Variants in PIH1D2 observed in about 807,000 individuals in gnomAD.
PIH1D2 encodes the protein PIH1 domain-containing protein 2.
In PIH1D2, 25 loss-of-function variants were observed where a neutral mutation model predicts 31.2. The ratio of observed to expected loss-of-function variants is 0.80; its 90% CI spans 0.58 to 1.12. The LOEUF is 1.12. Among genes scored for constraint, PIH1D2 ranks in the 50% most tolerant of loss-of-function variants. PIH1D2 has a pLI of 0.00. For missense variants in PIH1D2, 310 were observed against 356.6 expected (o/e 0.87, Z 1.05); for synonymous variants, 116 against 119.9 (o/e 0.97, Z 0.21).
chr11:112,055,717 C>T, the PIH1D2 span, among the ~76,000 whole-genome samples: 2 of 151,788 alleles, frequency 1.3e-5, no homozygotes, highest in South Asian at 2.1e-4. Flanking sequence ...CCGTGATGAT[C>T]GTCACAGCAG....
At chr11:112,070,820 T>C (rs1306929250) in intron 4 of PIH1D2, 119 bp from the exon 5 acceptor site, 3 of 1,293,354 alleles carry the variant, frequency 2.3e-6, no homozygotes, top group East Asian at 2.5e-5. Flanking sequence ...TAAATTAGTT[T>C]GGGAATCAAG....
chr11:112,053,148 C>T, the PIH1D2 span, among the ~76,000 whole-genome samples: 8 of 152,090 alleles, frequency 5.3e-5, no homozygotes, highest in South Asian at 8.3e-4. Flanking sequence ...ATGGTGAAAC[C>T]CCATCTCTAC....
chr11:112,055,055 G>A, the PIH1D2 span, among the ~76,000 whole-genome samples: 1 of 151,972 alleles, frequency 6.6e-6, no homozygotes, highest in African/African-American at 2.4e-5. Context: ...ACATTGATAG[G>A]TTCCAGGGAT....
At chr11:112,063,987 C>G, downstream of PIH1D2, 1 of 491,214 alleles carries the variant, frequency 2.0e-6, no homozygotes, top group Non-Finnish European at 3.5e-6. Flanking sequence ...TTCATTATTA[C>G]ATGGTACACA....
the PIH1D2 span, among the ~76,000 whole-genome samples, chr11:112,053,795 T>C: frequency 6.6e-6 from 1 of 152,216 alleles, no homozygotes; most frequent in African/African-American, 2.4e-5. Context: ...TGGTATTTAT[T>C]TACCTGCAGA....
chr11:112,061,368 C>G, downstream of PIH1D2: 3 of 607,730 alleles, frequency 4.9e-6, no homozygotes, highest in Non-Finnish European at 8.7e-6. Context: ...TTATTCTTGA[C>G]TTATAATAAT....
downstream of PIH1D2, among the ~76,000 whole-genome samples, chr11:112,058,637 A>AGGG: frequency 7.2e-6 from 1 of 138,284 alleles, no homozygotes; most frequent in Admixed American, 7.2e-5. Flanking sequence ...GGGGGGGGGA[A>AGGG]TCACCTTTTT....
rs1555184580 is a variant in PIH1D2, at chr11:112,071,210, T to A, written c.375A>T (p.Lys125Asn). 1 of 1,613,994 alleles carries A rather than the reference T, an allele frequency of 6.2e-7. No individual in the cohort carries two copies. The highest frequency in any genetic ancestry group is 1.1e-5 in the South Asian group (1 of 91,072). The change falls in exon 4 of 6, where the codon AAA becomes AAT. Residue 125 changes from lysine (K) to asparagine (N), a missense_variant. Transcript: ENST00000280350. ...TCATGGCCATCTGAATTAACTGATTTTTTTTCACTTGGTCCTTTTCTGCTG... is the reference window on the plus strand; with the variant it reads ...TCATGGCCATCTGAATTAACTGATTATTTTTCACTTGGTCCTTTTCTGCTG... Reference protein sequence around the residue: ...LHAAEKDQVKKNQLIQMAMKC... With the variant: ...LHAAEKDQVKNNQLIQMAMKC...
chr11:112,064,059 A>G, downstream of PIH1D2: 1 of 950,566 alleles, frequency 1.1e-6, no homozygotes, highest in Non-Finnish European at 1.5e-6. Context: ...AAAACAATAC[A>G]TTAATTTGAT....
chr11:112,060,187 G>A (rs1458634385), downstream of PIH1D2: 39 of 799,974 alleles, frequency 4.9e-5, no homozygotes, highest in Non-Finnish European at 6.3e-5. Flanking sequence ...TTTTTGAGAC[G>A]GAGTCTCTCT....
the PIH1D2 span, among the ~76,000 whole-genome samples, chr11:112,057,665 A>G: frequency 2.0e-5 from 3 of 152,222 alleles, no homozygotes; most frequent in African/African-American, 4.8e-5. Flanking sequence ...GAAGCCGCGT[A>G]ACAGAAGTTT....
At chr11:112,064,457 C>T, downstream of PIH1D2, 2 of 473,688 alleles carry the variant, frequency 4.2e-6, no homozygotes, top group Admixed American at 3.9e-5. Context: ...GATCTAGGGA[C>T]AGCCATGTAT....
At chr11:112,063,401 A>C (rs1864757201), downstream of PIH1D2, 1 of 152,598 alleles carries the variant, frequency 6.6e-6, no homozygotes, top group African/African-American at 2.4e-5. Flanking sequence ...TCCACTGTGG[A>C]AAATGCTATC....
At chr11:112,061,385 C>G (rs1227681144), downstream of PIH1D2, 2 of 559,948 alleles carry the variant, frequency 3.6e-6, no homozygotes, top group Non-Finnish European at 6.3e-6. Context: ...TAATACAATA[C>G]CTAAACAGCA....
chr11:112,054,156 A>C, the PIH1D2 span, among the ~76,000 whole-genome samples: 1 of 147,248 alleles, frequency 6.8e-6, no homozygotes, highest in Non-Finnish European at 1.5e-5. Flanking sequence ...TAAAAATACA[A>C]AAAAAAAAAA....
downstream of PIH1D2, among the ~76,000 whole-genome samples, chr11:112,065,191 C>A (rs1464901102): frequency 1.3e-5 from 2 of 152,142 alleles, no homozygotes; most frequent in Non-Finnish European, 2.9e-5. Context: ...CAATTTAAAC[C>A]AGTCCATAGT....
chr11:112,058,792 G>C (rs1490586622), downstream of PIH1D2, among the ~76,000 whole-genome samples: 1 of 151,640 alleles, frequency 6.6e-6, no homozygotes, highest in African/African-American at 2.4e-5. Flanking sequence ...ATGTTATTTT[G>C]TTCATCCCTG....
chr11:112,073,217 C>T lies in PIH1D2; in HGVS notation c.-31-12G>A. 1 of 1,489,258 alleles carries T rather than the reference C, an allele frequency of 6.7e-7. No individual in the cohort carries two copies. Among genetic ancestry groups the T allele is most frequent in the Non-Finnish European group, 9.1e-7 (1 of 1,094,526 alleles). The allele number at this position is 1,489,258 out of a possible 1,614,324, so 92.3% of individuals were successfully genotyped here. A position where few individuals can be genotyped will look rare whatever the true frequency, so the allele number is the denominator to read the frequency against. On this transcript the variant is annotated splice_polypyrimidine_tract_variant and intron_variant, in intron 1 of 5. Transcript: ENST00000280350. ...TAATTTTCTTAAGCCTGTGGAAAAACACGACTTCAGGAAGAAAACTGTCTG... is the reference window on the plus strand; with the variant it reads ...TAATTTTCTTAAGCCTGTGGAAAAATACGACTTCAGGAAGAAAACTGTCTG...
Position 112,070,645 on chromosome 11 carries a change from G to T in PIH1D2, c.604C>A (p.Gln202Lys), listed in dbSNP as rs1555184443. The T allele has an allele frequency of 6.2e-7, 1 of 1,614,106 alleles. No homozygotes were observed. Among genetic ancestry groups the T allele is most frequent in the Non-Finnish European group, 8.5e-7 (1 of 1,179,974 alleles). ...STMSNPDHFP[Q>K]LLLPKDQVSG... ...ACTTGGTCTTTTGGCAGTAACAGTT[G>T]AGGAAAGTGATCTGGATTGCTCATA... Residue 202 changes from glutamine (Q) to lysine (K), a missense_variant, in exon 5 of 6, where the codon CAA (glutamine) becomes AAA (lysine). Transcript: ENST00000280350.
Sources: gnomAD v4.1 joint callset for allele counts (sites outside exome capture counted in the v4.1 genomes callset) on GRCh38, gnomAD v4.1.1 for gene constraint, MANE v1.5 for transcripts, NCBI Gene and HGNC (gene_info 2026-07-23, HGNC 2026-07-21) for gene names.